The following FAM107B variants were observed in gnomAD, a reference collection of about 807,000 sequenced individuals.
FAM107B encodes family with sequence similarity 107 member B.
A neutral mutation model predicts 31.5 loss-of-function variants in FAM107B; 21 were observed. That is an observed-to-expected ratio of 0.67 (90% CI 0.47 to 0.96). FAM107B has a LOEUF of 0.96. Ranked by LOEUF, FAM107B falls within the 40% of genes least tolerant of loss-of-function variation. FAM107B has a pLI of 0.00. For synonymous variants in FAM107B, 157 were observed against 141.5 expected (o/e 1.11, Z -0.78); for missense variants, 452 against 377.1 (o/e 1.20, Z -1.64).
intron 1 of FAM107B, among the ~76,000 whole-genome samples, chr10:14,761,353 T>C (rs1367966832): frequency 6.6e-6 from 1 of 152,166 alleles, no homozygotes; most frequent in Non-Finnish European, 1.5e-5. Context: ...AAAAGAGCAT[T>C]TAATATTTAT....
chr10:14,526,823 T>C (rs1846285281), intron 3 of FAM107B, among the ~76,000 whole-genome samples: 1 of 152,052 alleles, frequency 6.6e-6, no homozygotes, highest in South Asian at 2.1e-4. Context: ...TCTCTCTAAA[T>C]AATATCAGAA....
At chr10:14,636,845 G>A (rs1435613127) in intron 2 of FAM107B, among the ~76,000 whole-genome samples, 2 of 152,148 alleles carry the variant, frequency 1.3e-5, no homozygotes, top group African/African-American at 4.8e-5. Context: ...TTATAATTTG[G>A]AATTGCTTGA....
At chr10:14,726,106 G>A (rs1856029589) in intron 1 of FAM107B, among the ~76,000 whole-genome samples, 1 of 152,016 alleles carries the variant, frequency 6.6e-6, no homozygotes, top group Non-Finnish European at 1.5e-5. Context: ...CGATTCTCCT[G>A]CTTCAGCCTC....
At chr10:14,680,513 G>A (rs1200781477) in intron 1 of FAM107B, among the ~76,000 whole-genome samples, 1 of 150,192 alleles carries the variant, frequency 6.7e-6, no homozygotes, top group East Asian at 2.0e-4. Flanking sequence ...GGCAGAGGTT[G>A]CAGTGAACTG....
At chr10:14,572,723 A>T (rs1031995500) in intron 2 of FAM107B, among the ~76,000 whole-genome samples, 191 of 104,850 alleles carry the variant, frequency 1.8e-3, no homozygotes, top group African/African-American at 3.6e-3. Flanking sequence ...CCATCTCTTC[A>T]AAAAAAAAAA....
chr10:14,764,545 T>G (rs576539719), intron 1 of FAM107B, among the ~76,000 whole-genome samples: 129 of 152,202 alleles, frequency 8.5e-4, no homozygotes, highest in Non-Finnish European at 1.5e-3. Context: ...CCTTCCCTGG[T>G]GCAGAATTAC....
chr10:14,709,249 G>A (rs1855586204), intron 1 of FAM107B, among the ~76,000 whole-genome samples: 1 of 152,154 alleles, frequency 6.6e-6, no homozygotes, highest in East Asian at 1.9e-4. Context: ...GCACAGGTAT[G>A]TTTATGGAAG....
intron 2 of FAM107B, among the ~76,000 whole-genome samples, chr10:14,658,149 T>C (rs140920480): frequency 8.5e-4 from 129 of 152,240 alleles, no homozygotes; most frequent in African/African-American, 3.0e-3. Context: ...ACAGTGAAAA[T>C]CCAATTACTA....
intron 2 of FAM107B, among the ~76,000 whole-genome samples, chr10:14,546,284 A>C (rs561610367): frequency 1.1e-3 from 168 of 152,248 alleles, no homozygotes; most frequent in African/African-American, 3.8e-3. Context: ...AGTCTGGTCC[A>C]CTCTTCACTA....
intron 2 of FAM107B, among the ~76,000 whole-genome samples, chr10:14,633,879 G>A (rs1853429431): frequency 6.6e-6 from 1 of 151,944 alleles, no homozygotes; most frequent in Admixed American, 6.6e-5. Flanking sequence ...TCTTTTTCTG[G>A]TCAATCATTA....
intron 2 of FAM107B, among the ~76,000 whole-genome samples, chr10:14,662,860 G>C (rs1009760712): frequency 6.6e-6 from 1 of 152,196 alleles, no homozygotes; most frequent in African/African-American, 2.4e-5. Flanking sequence ...TTGTTTCTGG[G>C]TGTGTTGGTG....
chr10:14,658,304 A>G lies in FAM107B; in HGVS notation c.469+9330T>C, dbSNP rs184593042. Among the ~76,000 whole-genome samples, 391 of 152,340 alleles carry G rather than the reference A, an allele frequency of 2.6e-3. 3 individuals carry two copies. Among genetic ancestry groups the G allele is most frequent in the African/African-American group, 8.5e-3 (355 of 41,580 alleles). Reference sequence around the variant, plus strand: ...CCAGGAGCATTTCCCCTAAGAAAAGACTTCCTGTGACCCCACAGACTGTCC... The same window carrying G: ...CCAGGAGCATTTCCCCTAAGAAAAGGCTTCCTGTGACCCCACAGACTGTCC... On this transcript the variant is annotated intron_variant, in intron 2 of 4. Coordinates refer to ENST00000181796, the MANE Select transcript of FAM107B (RefSeq NM_031453.4).
At chr10:14,549,396 C>T (rs1387040425) in intron 2 of FAM107B, among the ~76,000 whole-genome samples, 1 of 152,204 alleles carries the variant, frequency 6.6e-6, no homozygotes, top group Admixed American at 6.5e-5. Context: ...ATAAAAGCTG[C>T]AATAAGCAAT....
intron 1 of FAM107B, among the ~76,000 whole-genome samples, chr10:14,707,290 ACCT>A (rs1242278677): frequency 1.3e-5 from 2 of 152,146 alleles, no homozygotes; most frequent in African/African-American, 4.8e-5. Context: ...AATCAGTGCC[ACCT>A]CCTAAGTGAG....
chr10:14,715,189 T>C (rs1374802569), intron 1 of FAM107B, among the ~76,000 whole-genome samples: 1 of 151,844 alleles, frequency 6.6e-6, no homozygotes, highest in Non-Finnish European at 1.5e-5. Context: ...GGGGGAAATA[T>C]CAAAAACTCA....
intron 1 of FAM107B, among the ~76,000 whole-genome samples, chr10:14,725,997 T>TC (rs1856026498): frequency 6.7e-6 from 1 of 149,634 alleles, no homozygotes; most frequent in Non-Finnish European, 1.5e-5. Context: ...GGCTAATTTT[T>TC]TTTTTTCCTT....
chr10:14,577,839 G>A (rs1851512268), intron 2 of FAM107B, among the ~76,000 whole-genome samples: 1 of 152,154 alleles, frequency 6.6e-6, no homozygotes, highest in African/African-American at 2.4e-5. Flanking sequence ...TAATACTGAA[G>A]TCGTTTCTCT....
chr10:14,676,982 G>A (rs1854698553), intron 1 of FAM107B, among the ~76,000 whole-genome samples: 1 of 152,090 alleles, frequency 6.6e-6, no homozygotes, highest in Non-Finnish European at 1.5e-5. Context: ...TCCAACTCAG[G>A]ACAACTCTAA....
At chr10:14,592,748 G>GA (rs1852062190) in intron 2 of FAM107B, among the ~76,000 whole-genome samples, 1 of 152,198 alleles carries the variant, frequency 6.6e-6, no homozygotes, top group Non-Finnish European at 1.5e-5. Context: ...AATGGAAAAA[G>GA]AAACAGACTG....
Sources: allele counts gnomAD v4.1 joint callset (sites outside exome capture counted in the v4.1 genomes callset), GRCh38; gene constraint gnomAD v4.1.1; transcripts MANE v1.5; gene names NCBI Gene and HGNC (gene_info 2026-07-23, HGNC 2026-07-21).